Variants in DIAPH3 observed in about 807,000 individuals in gnomAD.
The protein encoded by DIAPH3 is protein diaphanous homolog 3.
Under a neutral mutation model 144.3 loss-of-function variants are expected in DIAPH3, and 117 were observed. The ratio of observed to expected loss-of-function variants is 0.81; its 90% CI spans 0.70 to 0.95. The LOEUF (loss-of-function observed/expected upper bound fraction) is 0.95, where lower values mean the gene tolerates loss of function less well. Among genes scored for constraint, DIAPH3 ranks in the 40% least tolerant of loss-of-function variants. The pLI, the probability that DIAPH3 is intolerant of heterozygous loss-of-function variation, is 0.00. For missense variants in DIAPH3, 1,421 were observed against 1,412.7 expected, an observed-to-expected ratio of 1.01 and a Z score of -0.09; for synonymous variants, 519 against 488.9, an observed-to-expected ratio of 1.06 and a Z score of -0.81.
chr13:59,931,573 G>T (rs1225146183), intron 17 of DIAPH3, among the ~76,000 whole-genome samples: 3 of 152,148 alleles, frequency 2.0e-5, no homozygotes, highest in African/African-American at 7.2e-5. Flanking sequence ...AACTTTGATT[G>T]TCACTATATT....
At chr13:59,931,643 G>T (rs1400134852) in intron 17 of DIAPH3, among the ~76,000 whole-genome samples, 1 of 152,170 alleles carries the variant, frequency 6.6e-6, no homozygotes, top group Admixed American at 6.5e-5. Context: ...CTTTTGGATG[G>T]ACATACATGT....
intron 27 of DIAPH3, among the ~76,000 whole-genome samples, chr13:59,753,440 TG>T (rs1566262205): frequency 6.6e-6 from 1 of 152,204 alleles, no homozygotes; most frequent in East Asian, 1.9e-4. Flanking sequence ...CTGAGTTTTT[TG>T]GGACTCAAAA....
chr13:59,707,136 A>G (rs958686810), intron 27 of DIAPH3, among the ~76,000 whole-genome samples: 1 of 152,224 alleles, frequency 6.6e-6, no homozygotes, highest in Non-Finnish European at 1.5e-5. Flanking sequence ...AGAACCTAGT[A>G]GTAAAGCCAG....
At chr13:59,685,429 C>T (rs1382875581) in intron 27 of DIAPH3, among the ~76,000 whole-genome samples, 1 of 152,100 alleles carries the variant, frequency 6.6e-6, no homozygotes, top group Non-Finnish European at 1.5e-5. Flanking sequence ...CAAGTTCTTG[C>T]TGGCTATCAA....
At chr13:60,008,083 A>G (rs942386897) in intron 9 of DIAPH3, among the ~76,000 whole-genome samples, 1 of 152,184 alleles carries the variant, frequency 6.6e-6, no homozygotes, top group Non-Finnish European at 1.5e-5. Flanking sequence ...CAGTACAAAT[A>G]GGAATTCTAT....
At chr13:59,859,056 G>C (rs2043421131) in intron 22 of DIAPH3, among the ~76,000 whole-genome samples, 1 of 152,072 alleles carries the variant, frequency 6.6e-6, no homozygotes, top group Non-Finnish European at 1.5e-5. Flanking sequence ...ACGTGTATAA[G>C]AGCATTAAAA....
At chr13:59,964,398 CCT>C (rs957453419) in intron 17 of DIAPH3, among the ~76,000 whole-genome samples, 2 of 151,924 alleles carry the variant, frequency 1.3e-5, no homozygotes, top group African/African-American at 4.8e-5. Flanking sequence ...ACCCTAGTTT[CCT>C]CTCTTTCTGT....
At chr13:59,700,929 T>A (rs371081940) in intron 27 of DIAPH3, among the ~76,000 whole-genome samples, 1 of 152,164 alleles carries the variant, frequency 6.6e-6, no homozygotes, top group Non-Finnish European at 1.5e-5. Flanking sequence ...AGATAATTAG[T>A]TCAGTAGTTT....
intron 4 of DIAPH3, among the ~76,000 whole-genome samples, chr13:60,085,141 C>CT (rs2057705179): frequency 6.6e-6 from 1 of 152,038 alleles, no homozygotes; most frequent in South Asian, 2.1e-4. Flanking sequence ...TATTGGGCAT[C>CT]TTTTTCCAAA....
At chr13:59,715,076 G>A (rs1043451843) in intron 27 of DIAPH3, among the ~76,000 whole-genome samples, 5 of 152,070 alleles carry the variant, frequency 3.3e-5, no homozygotes, top group South Asian at 4.1e-4. Flanking sequence ...AGGATAGACC[G>A]TATTTTCCCC....
intron 17 of DIAPH3, among the ~76,000 whole-genome samples, chr13:59,931,202 C>A (rs1013297765): frequency 6.6e-6 from 1 of 152,156 alleles, no homozygotes; most frequent in Non-Finnish European, 1.5e-5. Context: ...TGAATCTAGT[C>A]GATTCTAACT....
intron 4 of DIAPH3, among the ~76,000 whole-genome samples, chr13:60,064,463 A>G (rs1055572828): frequency 3.9e-5 from 6 of 152,216 alleles, no homozygotes; most frequent in Non-Finnish European, 8.8e-5. Context: ...CTTTTATACT[A>G]TGAAGGTAGT....
intron 1 of DIAPH3, among the ~76,000 whole-genome samples, chr13:60,136,472 CAAAAAAAAA>C (rs34487556): frequency 1.2e-5 from 1 of 81,978 alleles, no homozygotes; most frequent in South Asian, 3.7e-4. Flanking sequence ...TTATATTTAC[CAAAAAAAAA>C]AAAAAAAAAA....
intron 2 of DIAPH3, among the ~76,000 whole-genome samples, chr13:60,114,020 C>A (rs942514250): frequency 6.6e-6 from 1 of 152,136 alleles, no homozygotes; most frequent in African/African-American, 2.4e-5. Flanking sequence ...ATAGACTAGG[C>A]AAAAGACTGG....
chr13:60,012,027 C>CA (rs1411210324), intron 7 of DIAPH3, among the ~76,000 whole-genome samples: 2 of 151,996 alleles, frequency 1.3e-5, no homozygotes, highest in African/African-American at 4.8e-5. Flanking sequence ...ACTGACTAAT[C>CA]AGAGTTACTA....
chr13:59,932,390 A>G (rs1403718292), intron 17 of DIAPH3, among the ~76,000 whole-genome samples: 1 of 152,086 alleles, frequency 6.6e-6, no homozygotes, highest in Non-Finnish European at 1.5e-5. Flanking sequence ...TACTACTACT[A>G]GTATCATTGT....
intron 5 of DIAPH3, among the ~76,000 whole-genome samples, chr13:60,025,973 T>C (rs930178249): frequency 6.6e-5 from 10 of 152,202 alleles, no homozygotes; most frequent in African/African-American, 2.4e-4. Context: ...TGAAGTGGAA[T>C]GATGCTCATA....
At chr13:59,709,055 T>TA (rs145622676) in intron 27 of DIAPH3, among the ~76,000 whole-genome samples, 6,684 of 152,204 alleles carry the variant, frequency 0.044, 229 homozygotes, top group South Asian at 0.1. Flanking sequence ...TTAAAATCTG[T>TA]AAAAAATGCA....
At chr13:59,887,299 G>A (rs562816286) in intron 20 of DIAPH3, among the ~76,000 whole-genome samples, 1 of 151,998 alleles carries the variant, frequency 6.6e-6, no homozygotes, top group Non-Finnish European at 1.5e-5. Context: ...AGCAATATTT[G>A]ATGCAAAAAT....
Sources: allele counts gnomAD v4.1 joint callset (sites outside exome capture counted in the v4.1 genomes callset), GRCh38; gene constraint gnomAD v4.1.1; transcripts MANE v1.5; gene names NCBI Gene and HGNC (gene_info 2026-07-23, HGNC 2026-07-21).